Variants in MCUB observed in about 807,000 individuals in gnomAD.
MCUB encodes the protein mitochondrial calcium uniporter dominant negative subunit beta.
In MCUB, 46 loss-of-function variants were observed where a neutral mutation model predicts 41.4. The ratio of observed to expected loss-of-function variants is 1.11; its 90% CI spans 0.88 to 1.42. The LOEUF (loss-of-function observed/expected upper bound fraction) is 1.42, where lower values mean the gene tolerates loss of function less well. MCUB is among the 40% of genes most tolerant of loss of function. The probability of loss-of-function intolerance (pLI) is 0.00; values close to 1 mark genes in which losing one functional copy is unlikely to be tolerated. For missense variants in MCUB, 403 were observed against 404.9 expected (o/e 1.00, Z 0.04); for synonymous variants, 148 against 148.2 (o/e 1.00, Z 0.01).
intron 1 of MCUB, among the ~76,000 whole-genome samples, chr4:109,596,800 T>C (rs1249964597): frequency 2.7e-5 from 4 of 150,752 alleles, no homozygotes; most frequent in Admixed American, 2.7e-4. Flanking sequence ...GGCAGGGTCA[T>C]AGGACAATAG....
At chr4:109,655,482 C>A (rs1729070832) in intron 1 of MCUB, among the ~76,000 whole-genome samples, 1 of 152,044 alleles carries the variant, frequency 6.6e-6, no homozygotes, top group South Asian at 2.1e-4. Context: ...AGCAACCAGC[C>A]CCATCCTGAA....
chr4:109,623,086 G>A (rs1166998966), intron 1 of MCUB, among the ~76,000 whole-genome samples: 4 of 152,106 alleles, frequency 2.6e-5, no homozygotes, highest in Admixed American at 1.3e-4. Flanking sequence ...GCATGAAGAC[G>A]GCAAGGGATT....
intron 1 of MCUB, among the ~76,000 whole-genome samples, chr4:109,622,751 C>T (rs199498070): frequency 6.6e-6 from 1 of 152,164 alleles, no homozygotes; most frequent in African/African-American, 2.4e-5. Flanking sequence ...ATGATGGCTT[C>T]GACTTTATGA....
At chr4:109,623,322 A>G (rs964475080) in intron 1 of MCUB, among the ~76,000 whole-genome samples, 4 of 152,204 alleles carry the variant, frequency 2.6e-5, no homozygotes, top group Admixed American at 6.5e-5. Context: ...AGCTAGGGCA[A>G]GAAGTGTTTT....
At chr4:109,618,691 C>T (rs1413742990) in intron 1 of MCUB, among the ~76,000 whole-genome samples, 3 of 152,122 alleles carry the variant, frequency 2.0e-5, no homozygotes, top group African/African-American at 7.2e-5. Flanking sequence ...TAAGTAGAAC[C>T]TATAGGGGAA....
intron 1 of MCUB, among the ~76,000 whole-genome samples, chr4:109,565,961 C>T (rs1430615982): frequency 6.6e-6 from 1 of 151,616 alleles, no homozygotes; most frequent in Non-Finnish European, 1.5e-5. Context: ...CCTCACCCTC[C>T]GAAAGTAGCT....
chr4:109,674,483 T>G (rs1037442803), intron 4 of MCUB, among the ~76,000 whole-genome samples: 2 of 152,266 alleles, frequency 1.3e-5, no homozygotes, highest in African/African-American at 4.8e-5. Context: ...ATATTTTGGA[T>G]GTTGTATAAG....
intron 1 of MCUB, among the ~76,000 whole-genome samples, chr4:109,566,119 G>A (rs2126122962): frequency 6.6e-6 from 1 of 151,376 alleles, no homozygotes; most frequent in South Asian, 2.1e-4. Flanking sequence ...GCCACCCAAA[G>A]TGCTGGGATT....
intron 1 of MCUB, among the ~76,000 whole-genome samples, chr4:109,562,422 A>G (rs1288135771): frequency 6.6e-6 from 1 of 152,246 alleles, no homozygotes; most frequent in Non-Finnish European, 1.5e-5. Context: ...ACATTTTACC[A>G]TGAGTAAACC....
At chr4:109,610,562 C>T (rs1168892604) in intron 1 of MCUB, among the ~76,000 whole-genome samples, 1 of 152,120 alleles carries the variant, frequency 6.6e-6, no homozygotes, top group Non-Finnish European at 1.5e-5. Context: ...CTGCTGTTCC[C>T]TACTGTTTTG....
chr4:109,612,289 G>A (rs1256966901), intron 1 of MCUB, among the ~76,000 whole-genome samples: 1 of 115,030 alleles, frequency 8.7e-6, no homozygotes, highest in African/African-American at 3.2e-5. Context: ...TTTTGAGAGC[G>A]TCTCACTCAG....
chr4:109,580,853 T>C (rs1003863933), intron 1 of MCUB, among the ~76,000 whole-genome samples: 2 of 152,214 alleles, frequency 1.3e-5, no homozygotes, highest in African/African-American at 4.8e-5. Flanking sequence ...GGTAGTTTCT[T>C]TTGCTGTGCA....
chr4:109,601,098 T>C (rs1032142575), intron 1 of MCUB, among the ~76,000 whole-genome samples: 1 of 110,126 alleles, frequency 9.1e-6, no homozygotes, highest in Non-Finnish European at 2.1e-5. Flanking sequence ...CGGCCTATTG[T>C]ATCTTTTTTT....
At chr4:109,612,519 G>T (rs1281996756) in intron 1 of MCUB, among the ~76,000 whole-genome samples, 1 of 151,920 alleles carries the variant, frequency 6.6e-6, no homozygotes, top group South Asian at 2.1e-4. Flanking sequence ...GACTGCCCCG[G>T]CCTCCCAAAG....
At chr4:109,652,640 A>G (rs1477583921) in intron 1 of MCUB, among the ~76,000 whole-genome samples, 2 of 152,154 alleles carry the variant, frequency 1.3e-5, no homozygotes, top group Non-Finnish European at 2.9e-5. Flanking sequence ...TATAATTGGC[A>G]TCAATCCATT....
intron 1 of MCUB, among the ~76,000 whole-genome samples, chr4:109,649,784 G>A (rs1728919360): frequency 6.6e-6 from 1 of 151,810 alleles, no homozygotes; most frequent in African/African-American, 2.4e-5. Flanking sequence ...CTGTTGCCCA[G>A]GCTAGTCTTG....
At chr4:109,675,446 A>G (rs1413880893) in intron 4 of MCUB, among the ~76,000 whole-genome samples, 1 of 152,220 alleles carries the variant, frequency 6.6e-6, no homozygotes, top group Admixed American at 6.5e-5. Flanking sequence ...CAACATTTGC[A>G]TAGTTTCTCA....
intron 1 of MCUB, among the ~76,000 whole-genome samples, chr4:109,580,426 C>G (rs1727143202): frequency 6.6e-6 from 1 of 152,170 alleles, no homozygotes; most frequent in Non-Finnish European, 1.5e-5. Context: ...AATGGTATTT[C>G]TAGTTCTAGA....
chr4:109,656,207 T>C (rs13103963), intron 1 of MCUB, among the ~76,000 whole-genome samples: 22,403 of 151,894 alleles, frequency 0.15, 2,115 homozygotes, highest in African/African-American at 0.26. Flanking sequence ...TCTTTAGCAT[T>C]ATACGGACTC....
Sources: allele counts gnomAD v4.1 joint callset (sites outside exome capture counted in the v4.1 genomes callset), GRCh38; gene constraint gnomAD v4.1.1; transcripts MANE v1.5; gene names NCBI Gene and HGNC (gene_info 2026-07-23, HGNC 2026-07-21).